The following LRP1B variants were observed in gnomAD, a reference collection of about 807,000 sequenced individuals.
The protein encoded by LRP1B is low-density lipoprotein receptor-related protein 1B.
In LRP1B, 217 loss-of-function variants were observed where a neutral mutation model predicts 556.6. That is an observed-to-expected ratio of 0.39 (90% CI 0.35 to 0.44). The LOEUF is 0.44. Among genes scored for constraint, LRP1B ranks in the 20% least tolerant of loss-of-function variants. The probability of loss-of-function intolerance (pLI) is 1.00; values close to 1 mark genes in which losing one functional copy is unlikely to be tolerated. For missense variants in LRP1B, 5,053 were observed against 5,620.8 expected (o/e 0.90, Z 3.23); for synonymous variants, 2,047 against 1,865.8 (o/e 1.10, Z -2.50).
chr2:140,866,290 A>G (rs1042409652), intron 27 of LRP1B, among the ~76,000 whole-genome samples: 1 of 152,128 alleles, frequency 6.6e-6, no homozygotes, highest in Non-Finnish European at 1.5e-5. Flanking sequence ...ATTCTAGAGA[A>G]GCGTATTTTT....
chr2:140,320,872 A>G (rs1361351446), intron 82 of LRP1B, among the ~76,000 whole-genome samples: 3 of 151,152 alleles, frequency 2.0e-5, no homozygotes, highest in Admixed American at 1.3e-4. Flanking sequence ...GCAATATCCC[A>G]TCTCTACTAA....
chr2:140,604,738 T>C (rs1371889073), intron 41 of LRP1B, among the ~76,000 whole-genome samples: 2 of 152,138 alleles, frequency 1.3e-5, no homozygotes, highest in African/African-American at 2.4e-5. Flanking sequence ...TCATCTTGAA[T>C]TGTAGCTCCC....
chr2:140,438,812 A>C lies in LRP1B; in HGVS notation c.10414+3692T>G, dbSNP rs559232083. On this transcript the variant is annotated intron_variant, in intron 66 of 90. Coordinates refer to ENST00000389484, the MANE Select transcript of LRP1B (RefSeq NM_018557.3). Reference sequence around the variant, plus strand: ...TTTTGATAACTCAGAATTCTAGATTAGATGAAAGGATGCAGGAAAATAAGC... The same window carrying C: ...TTTTGATAACTCAGAATTCTAGATTCGATGAAAGGATGCAGGAAAATAAGC... Among the ~76,000 whole-genome samples the C allele has an allele frequency of 5.9e-5, 9 of 152,296 alleles. 1 individual carries two copies. The East Asian group carries it at 1.7e-3, about 29-fold the overall frequency.
At chr2:141,537,873 C>T (rs1349237303) in intron 2 of LRP1B, among the ~76,000 whole-genome samples, 2 of 151,928 alleles carry the variant, frequency 1.3e-5, no homozygotes, top group East Asian at 1.9e-4. Context: ...AAATATATAC[C>T]TTTTCAGACT....
intron 83 of LRP1B, among the ~76,000 whole-genome samples, chr2:140,311,332 A>C (rs985598127): frequency 6.6e-6 from 1 of 151,872 alleles, no homozygotes; most frequent in African/African-American, 2.4e-5. Context: ...CACACACACT[A>C]TGGGATACTA....
chr2:141,032,822 C>CATATATATATATATATATAT lies in LRP1B; in HGVS notation c.1790-12721_1790-12720insATATATATATATATATATAT, dbSNP rs1333410760. On this transcript the variant is annotated intron_variant, in intron 11 of 90. Transcript: ENST00000389484. ...GTATATGTGTGTGTGTATATATATA[C>CATATATATATATATATATAT]ATACATATATATATATATGCAGGCA... Among the ~76,000 whole-genome samples the CATATATATATATATATATAT allele has an allele frequency of 9.4e-4, 71 of 75,598 alleles. 1 individual carries two copies. The South Asian group carries it at 0.012, about 13-fold the overall frequency. The allele number at this position is 75,598 out of a possible 152,430, so 49.6% of individuals were successfully genotyped here.
At chr2:141,780,610 G>A (rs1695222339) in intron 2 of LRP1B, among the ~76,000 whole-genome samples, 2 of 152,116 alleles carry the variant, frequency 1.3e-5, no homozygotes, top group South Asian at 4.1e-4. Flanking sequence ...GGACTTGGAA[G>A]AGCTACACAC....
intron 2 of LRP1B, among the ~76,000 whole-genome samples, chr2:141,685,211 T>C (rs1406010105): frequency 6.6e-6 from 1 of 152,042 alleles, no homozygotes; most frequent in East Asian, 1.9e-4. Flanking sequence ...GACAAATTGT[T>C]TTCTAGTTTC....
chr2:141,226,124 C>CAA (rs1553479115), intron 6 of LRP1B, among the ~76,000 whole-genome samples: 20,817 of 150,846 alleles, frequency 0.14, 1,675 homozygotes, highest in South Asian at 0.22. Flanking sequence ...TTTTCCCCCC[C>CAA]AAAAAAAACC....
intron 2 of LRP1B, among the ~76,000 whole-genome samples, chr2:141,553,266 A>C (rs1685821072): frequency 6.6e-6 from 1 of 151,920 alleles, no homozygotes; most frequent in African/African-American, 2.4e-5. Context: ...ATGTTGGTTT[A>C]TAAGTGGTCA....
intron 21 of LRP1B, among the ~76,000 whole-genome samples, chr2:140,922,117 C>T (rs191412473): frequency 3.3e-5 from 5 of 152,080 alleles, no homozygotes; most frequent in African/African-American, 1.2e-4. Flanking sequence ...ACCACAATAG[C>T]TCATCGTAAT....
Position 141,571,326 on chromosome 2 carries a change from C to A in LRP1B, c.206-90793G>T, listed in dbSNP as rs568006765. 4.0e-5 allele frequency among the ~76,000 whole-genome samples: 6 copies of A among 150,528 alleles called. No homozygotes were observed. In the South Asian group the frequency reaches 1.3e-3, roughly 32 times the overall value. ...TGCAGCAGCCCTACAGAAGAGGAGG[C>A]CTAACTATTGAAAGAAAAACAAACA... On this transcript the variant is annotated intron_variant, in intron 2 of 90. Coordinates refer to ENST00000389484, the MANE Select transcript of LRP1B (RefSeq NM_018557.3).
At chr2:140,685,771 A>C (rs1335408991) in intron 41 of LRP1B, among the ~76,000 whole-genome samples, 1 of 152,170 alleles carries the variant, frequency 6.6e-6, no homozygotes, top group African/African-American at 2.4e-5. Flanking sequence ...CTAAGCAACA[A>C]CTTCTATTTT....
intron 7 of LRP1B, among the ~76,000 whole-genome samples, chr2:141,184,960 A>G (rs1681176649): frequency 1.3e-5 from 2 of 151,982 alleles, no homozygotes; most frequent in Non-Finnish European, 2.9e-5. Flanking sequence ...AAGGATTTGT[A>G]GTAGAAAGAG....
intron 2 of LRP1B, among the ~76,000 whole-genome samples, chr2:141,779,746 A>G (rs969041272): frequency 6.6e-6 from 1 of 152,098 alleles, no homozygotes; most frequent in African/African-American, 2.4e-5. Flanking sequence ...TAGATAGGAA[A>G]TTGAACCTCA....
At chr2:141,218,000 C>T (rs980345009) in intron 6 of LRP1B, among the ~76,000 whole-genome samples, 4 of 152,046 alleles carry the variant, frequency 2.6e-5, no homozygotes, top group African/African-American at 9.7e-5. Flanking sequence ...CACTAATAAT[C>T]AGACAAATGC....
intron 86 of LRP1B, 39 bp downstream of exon 86, chr2:140,270,203 G>C (rs376404728): frequency 1.4e-6 from 2 of 1,405,110 alleles, no homozygotes; most frequent in Non-Finnish European, 2.0e-6. Flanking sequence ...ACATACAAAG[G>C]CTTATTATAA....
intron 1 of LRP1B, among the ~76,000 whole-genome samples, chr2:141,950,948 G>A (rs1199630047): frequency 6.6e-6 from 1 of 151,948 alleles, no homozygotes; most frequent in Non-Finnish European, 1.5e-5. Flanking sequence ...TTGAAGTCTT[G>A]GAGGTTGAGT....
At chr2:140,683,235 G>A (rs748300271) in intron 41 of LRP1B, 1 of 279,384 alleles carries the variant, frequency 3.6e-6, no homozygotes, top group Non-Finnish European at 6.9e-6. Context: ...ATTGAACACT[G>A]GTCTGTGTAT....
Sources: gnomAD v4.1 joint callset for allele counts (sites outside exome capture counted in the v4.1 genomes callset) on GRCh38, gnomAD v4.1.1 for gene constraint, MANE v1.5 for transcripts, NCBI Gene and HGNC (gene_info 2026-07-23, HGNC 2026-07-21) for gene names.